Variants in FRMD4A observed in about 807,000 individuals in gnomAD.
FRMD4A encodes FERM domain-containing protein 4A.
A neutral mutation model predicts 129.1 loss-of-function variants in FRMD4A; 29 were observed. That is an observed-to-expected ratio of 0.22 (90% CI 0.17 to 0.31). FRMD4A has a LOEUF of 0.31. Ranked by LOEUF, FRMD4A falls within the 10% of genes least tolerant of loss-of-function variation. FRMD4A has a pLI of 1.00. For missense variants in FRMD4A, 1,272 were observed against 1,375.8 expected (o/e 0.92, Z 1.19); for synonymous variants, 634 against 571.6 (o/e 1.11, Z -1.56).
chr10:14,285,491 T>C (rs970253704), intron 2 of FRMD4A, among the ~76,000 whole-genome samples: 6 of 152,214 alleles, frequency 3.9e-5, no homozygotes, highest in African/African-American at 1.4e-4. Flanking sequence ...CTCCTGCCCA[T>C]GGAGGCATGT....
At position 13,651,993 on chromosome 10, in the gene FRMD4A, G is replaced by C. The variant is rs1037881513; in HGVS notation, c.3051-19C>G. Reference sequence around the variant, plus strand: ...TGCTTCTCTGAACAAAGGAAAGCAGGAGGAGGAAGAGAAGAGAGGTCATGT... The same window carrying C: ...TGCTTCTCTGAACAAAGGAAAGCAGCAGGAGGAAGAGAAGAGAGGTCATGT... On this transcript the variant is annotated intron_variant, in intron 23 of 24. Transcript: ENST00000357447. 7.1e-7 allele frequency: 1 copy of C among 1,413,658 alleles called. No homozygotes were observed. Among genetic ancestry groups the C allele is most frequent in the Non-Finnish European group, 1.0e-6 (1 of 997,054 alleles). The allele number at this position is 1,413,658 out of a possible 1,614,324, so 87.6% of individuals were successfully genotyped here.
At chr10:13,656,612 G>T (rs370587290) in intron 22 of FRMD4A, 24 bp downstream of exon 22, 11 of 1,377,386 alleles carry the variant, frequency 8.0e-6, no homozygotes, top group South Asian at 1.9e-5. Flanking sequence ...GTCTTCCCGC[G>T]TGCACCTGGC....
intron 2 of FRMD4A, among the ~76,000 whole-genome samples, chr10:14,108,710 A>G (rs747137106): frequency 3.9e-5 from 6 of 152,216 alleles, no homozygotes; most frequent in Admixed American, 3.9e-4. Flanking sequence ...GAAAAATAAG[A>G]CAGAGAATTG....
intron 2 of FRMD4A, among the ~76,000 whole-genome samples, chr10:14,250,858 C>T (rs1468623123): frequency 6.6e-6 from 1 of 152,256 alleles, no homozygotes; most frequent in East Asian, 1.9e-4. Flanking sequence ...GGAGTGATGT[C>T]CAGCACCTAC....
intron 24 of FRMD4A, among the ~76,000 whole-genome samples, chr10:13,650,776 C>G (rs996084661): frequency 1.3e-5 from 2 of 152,200 alleles, no homozygotes; most frequent in Admixed American, 1.3e-4. Context: ...TTAACCACCC[C>G]TCACCCTTAT....
chr10:14,157,420 C>T lies in FRMD4A; in HGVS notation c.45+172638G>A, dbSNP rs954989530. On this transcript the variant is annotated intron_variant, in intron 2 of 24. Coordinates refer to ENST00000357447, the MANE Select transcript of FRMD4A (RefSeq NM_018027.5). The stretch of plus-strand genomic sequence containing the variant: ...TAGGAGGTATTTGGTAGAGTGGAAG[C>T]GGAGTGGGATTGGCAGCCAAATATC... Among the ~76,000 whole-genome samples, 7 of 152,200 alleles carry T rather than the reference C, an allele frequency of 4.6e-5. No individual in the cohort carries two copies. The East Asian group carries it at 5.8e-4, about 13-fold the overall frequency.
chr10:13,851,319 T>G (rs1045293503), intron 3 of FRMD4A, among the ~76,000 whole-genome samples: 5 of 152,254 alleles, frequency 3.3e-5, no homozygotes, highest in African/African-American at 1.2e-4. Flanking sequence ...AACAATTCGA[T>G]TGCCTTCATA....
chr10:13,765,101 A>ATTTTT (rs10708906), intron 6 of FRMD4A, among the ~76,000 whole-genome samples: 18 of 125,276 alleles, frequency 1.4e-4, no homozygotes, highest in Non-Finnish European at 1.5e-4. Flanking sequence ...TCAAGGATTG[A>ATTTTT]TTTTTTTTTT....
chr10:14,120,373 C>A (rs913726235), intron 2 of FRMD4A, among the ~76,000 whole-genome samples: 5 of 152,114 alleles, frequency 3.3e-5, no homozygotes, highest in Non-Finnish European at 7.4e-5. Flanking sequence ...GATGCCAATA[C>A]CCTCTCCCAT....
chr10:13,958,474 G>A (rs1256389724), intron 2 of FRMD4A, among the ~76,000 whole-genome samples: 2 of 151,690 alleles, frequency 1.3e-5, no homozygotes, highest in Non-Finnish European at 2.9e-5. Flanking sequence ...TAGTAGAGAC[G>A]GGGTTTCACC....
intron 6 of FRMD4A, among the ~76,000 whole-genome samples, chr10:13,773,144 A>G (rs2092505926): frequency 1.3e-5 from 2 of 152,212 alleles, no homozygotes; most frequent in South Asian, 2.1e-4. Context: ...TATGTCACCA[A>G]TATGTCTACC....
At chr10:14,306,482 A>T (rs1218484) in intron 2 of FRMD4A, among the ~76,000 whole-genome samples, 8,600 of 152,256 alleles carry the variant, frequency 0.056, 595 homozygotes, top group African/African-American at 0.17. Context: ...GATGACACAG[A>T]ATCTTTTTAA....
chr10:13,655,646 A>G (rs2082078381), intron 22 of FRMD4A: 2 of 152,200 alleles, frequency 1.3e-5, no homozygotes, highest in African/African-American at 2.4e-5. Context: ...CCAGGCACCA[A>G]GAATCTCCTA....
At chr10:13,831,658 G>A (rs1191745587) in intron 3 of FRMD4A, among the ~76,000 whole-genome samples, 3 of 152,088 alleles carry the variant, frequency 2.0e-5, no homozygotes, top group African/African-American at 4.8e-5. Flanking sequence ...ATGGTGTATG[G>A]GACATGTAAC....
intron 11 of FRMD4A, among the ~76,000 whole-genome samples, chr10:13,739,945 C>T (rs950110849): frequency 2.6e-5 from 4 of 152,142 alleles, no homozygotes; most frequent in Non-Finnish European, 5.9e-5. Flanking sequence ...ACTAAAAATA[C>T]AAAAATTAGC....
At chr10:14,124,165 C>T (rs1838696374) in intron 2 of FRMD4A, among the ~76,000 whole-genome samples, 2 of 152,126 alleles carry the variant, frequency 1.3e-5, no homozygotes, top group African/African-American at 4.8e-5. Flanking sequence ...TCAAGCACAG[C>T]AGTGTGGTCC....
intron 2 of FRMD4A, among the ~76,000 whole-genome samples, chr10:14,251,055 C>T (rs1454312065): frequency 6.6e-6 from 1 of 151,556 alleles, no homozygotes; most frequent in Non-Finnish European, 1.5e-5. Flanking sequence ...AAAATATGCT[C>T]CCAGCCAGTA....
intron 2 of FRMD4A, among the ~76,000 whole-genome samples, chr10:14,089,640 C>CAAAAAAAAAAAAAAAAAAAAAA (rs759243260): frequency 1.4e-4 from 10 of 70,244 alleles, no homozygotes; most frequent in Non-Finnish European, 1.9e-4. Context: ...CAAAAAAAAA[C>CAAAAAAAAAAAAAAAAAAAAAA]AAACAAAAAA....
intron 2 of FRMD4A, among the ~76,000 whole-genome samples, chr10:14,286,259 GA>G (rs1318817551): frequency 6.6e-6 from 1 of 152,170 alleles, no homozygotes; most frequent in Non-Finnish European, 1.5e-5. Context: ...ACTCAAAAGA[GA>G]AAGAAAGGAT....
Sources: gnomAD v4.1 joint callset for allele counts (sites outside exome capture counted in the v4.1 genomes callset) on GRCh38, gnomAD v4.1.1 for gene constraint, MANE v1.5 for transcripts, NCBI Gene and HGNC (gene_info 2026-07-23, HGNC 2026-07-21) for gene names.